Variants in PTPRZ1 observed in about 807,000 individuals in gnomAD.
The protein encoded by PTPRZ1 is receptor-type tyrosine-protein phosphatase zeta.
A neutral mutation model predicts 214.1 loss-of-function variants in PTPRZ1; 82 were observed. That is an observed-to-expected ratio of 0.38 (90% CI 0.32 to 0.46). The LOEUF is 0.46. PTPRZ1 is among the 20% of genes least tolerant of loss of function. PTPRZ1 has a pLI of 1.00. For synonymous variants in PTPRZ1, 945 were observed against 987.9 expected (o/e 0.96, Z 0.81); for missense variants, 2,603 against 2,748.7 (o/e 0.95, Z 1.19).
chr7:121,987,256 C>G (rs1199059805), intron 8 of PTPRZ1, among the ~76,000 whole-genome samples: 1 of 152,124 alleles, frequency 6.6e-6, no homozygotes, highest in Non-Finnish European at 1.5e-5. Flanking sequence ...CTCACAGAGT[C>G]TCAGCTGCTA....
At chr7:122,044,196 C>A (rs1799812437) in intron 22 of PTPRZ1, among the ~76,000 whole-genome samples, 1 of 152,114 alleles carries the variant, frequency 6.6e-6, no homozygotes, top group Non-Finnish European at 1.5e-5. Context: ...GTATTGCCAA[C>A]AATACATAAT....
intron 3 of PTPRZ1, among the ~76,000 whole-genome samples, chr7:121,969,209 G>A (rs1423803432): frequency 6.6e-6 from 1 of 152,064 alleles, no homozygotes; most frequent in African/African-American, 2.4e-5. Context: ...CTGCACTCCA[G>A]CCTGGACAAC....
At chr7:121,958,358 A>G (rs1796774757) in intron 2 of PTPRZ1, among the ~76,000 whole-genome samples, 1 of 152,108 alleles carries the variant, frequency 6.6e-6, no homozygotes. Context: ...TGTTTCTATG[A>G]CTTTCATGAT....
At chr7:121,905,650 T>TACACACACAC (rs10528167) in intron 1 of PTPRZ1, among the ~76,000 whole-genome samples, 3,602 of 145,338 alleles carry the variant, frequency 0.025, 159 homozygotes, top group African/African-American at 0.086. Context: ...TTCTATTCTT[T>TACACACACAC]ACACACACAC....
At chr7:121,885,819 G>A (rs566874891) in intron 1 of PTPRZ1, among the ~76,000 whole-genome samples, 3 of 152,120 alleles carry the variant, frequency 2.0e-5, no homozygotes, top group Non-Finnish European at 4.4e-5. Flanking sequence ...AATTTGGAGA[G>A]GGAAGAAAAC....
chr7:121,928,248 T>A, intron 2 of PTPRZ1, 27 bp downstream of exon 2: 2 of 1,516,494 alleles, frequency 1.3e-6, no homozygotes, highest in Non-Finnish European at 1.8e-6. Context: ...TATAATGAGA[T>A]TTAGCAGAAA....
At chr7:122,005,610 G>C (rs1798462169) in intron 11 of PTPRZ1, among the ~76,000 whole-genome samples, 1 of 151,800 alleles carries the variant, frequency 6.6e-6, no homozygotes, top group Non-Finnish European at 1.5e-5. Context: ...ATTTGTATAT[G>C]TACATACATG....
intron 1 of PTPRZ1, among the ~76,000 whole-genome samples, chr7:121,882,531 G>A (rs1311481612): frequency 6.6e-6 from 1 of 152,130 alleles, no homozygotes; most frequent in Admixed American, 6.6e-5. Context: ...GGGGAGAGGA[G>A]TATAACAGTA....
intron 1 of PTPRZ1, among the ~76,000 whole-genome samples, chr7:121,906,950 T>C (rs979126290): frequency 6.8e-6 from 1 of 146,086 alleles, no homozygotes; most frequent in Non-Finnish European, 1.5e-5. Context: ...GGTATACTTA[T>C]ATATTATGTT....
At chr7:121,904,665 C>T (rs1025414037) in intron 1 of PTPRZ1, among the ~76,000 whole-genome samples, 5 of 152,088 alleles carry the variant, frequency 3.3e-5, no homozygotes, top group Non-Finnish European at 5.9e-5. Context: ...AGAAGAGACT[C>T]AGATGGTCTT....
chr7:121,972,600 A>G lies in PTPRZ1; in HGVS notation c.364A>G (p.Lys122Glu). ...CGGAGGAGTTTCAGAAATGGTGTTT[A>G]AAGCAAGCAAGATAACTTTTCACTG... ...VSGGVSEMVF[K>E]ASKITFHWGK... Residue 122 changes from lysine to glutamate, a missense_variant, in exon 4 of 30, where the codon AAA (lysine) becomes GAA (glutamate). By Grantham distance (56) the Lys-to-Glu change is moderately conservative. This residue lies in a region of PTPRZ1 where 141 missense variants were observed against 143.7 expected (regional missense o/e 0.98). Coordinates refer to ENST00000393386, the MANE Select transcript of PTPRZ1 (RefSeq NM_002851.3). The G allele has an allele frequency of 5.6e-6, 9 of 1,613,646 alleles. No individual in the cohort carries two copies. Among genetic ancestry groups the G allele is most frequent in the Non-Finnish European group, 6.8e-6 (8 of 1,179,704 alleles).
Position 122,038,008 on chromosome 7 carries a change from C to T in PTPRZ1, c.5368-747C>T, listed in dbSNP as rs1002144390. Reference sequence around the variant, plus strand: ...GGAAACTTACAGTCATGGTGAAAGGCACCTCTTCACAGAATGGCAGGAGAG... The same window carrying T: ...GGAAACTTACAGTCATGGTGAAAGGTACCTCTTCACAGAATGGCAGGAGAG... On this transcript the variant is annotated intron_variant, in intron 18 of 29. Transcript: ENST00000393386. 3.3e-5 allele frequency among the ~76,000 whole-genome samples: 5 copies of T among 152,136 alleles called. No individual in the cohort carries two copies. In the East Asian group the frequency reaches 9.6e-4, roughly 29 times the overall value.
At chr7:121,874,733 T>C (rs1395613145) in intron 1 of PTPRZ1, among the ~76,000 whole-genome samples, 1 of 152,172 alleles carries the variant, frequency 6.6e-6, no homozygotes, top group East Asian at 1.9e-4. Context: ...TTTCAAAGGC[T>C]TTATGAAAGT....
Position 121,874,162 on chromosome 7 carries a change from CA to C in PTPRZ1, c.58+615del, listed in dbSNP as rs11378724. ...ATATTCAAGTCTGCGCAATTACTTACAAAAAAAAAAGTTCCATCTAAATCTC... is the reference window on the plus strand; with the variant it reads ...ATATTCAAGTCTGCGCAATTACTTACAAAAAAAAAGTTCCATCTAAATCTC... On this transcript the variant is annotated intron_variant, in intron 1 of 29. Coordinates refer to ENST00000393386, the MANE Select transcript of PTPRZ1 (RefSeq NM_002851.3). 9.9e-3 allele frequency among the ~76,000 whole-genome samples: 1,484 copies of C among 149,170 alleles called. 23 individuals carry two copies. Among genetic ancestry groups the C allele is most frequent in the African/African-American group, 0.032 (1,315 of 40,810 alleles).
chr7:122,004,727 G>T (rs997131505), intron 11 of PTPRZ1, 67 bp downstream of exon 11: 3 of 949,356 alleles, frequency 3.2e-6, no homozygotes, highest in Admixed American at 2.5e-5. Context: ...TGTTGCTTGG[G>T]TGTTAGGTAT....
chr7:121,981,408 T>TA (rs1449990385), intron 6 of PTPRZ1, among the ~76,000 whole-genome samples: 1 of 152,212 alleles, frequency 6.6e-6, no homozygotes, highest in Non-Finnish European at 1.5e-5. Context: ...TCACTTAGAC[T>TA]ACACGGATTG....
intron 8 of PTPRZ1, among the ~76,000 whole-genome samples, chr7:121,988,173 G>A (rs1163031668): frequency 1.3e-5 from 2 of 152,072 alleles, no homozygotes; most frequent in East Asian, 3.9e-4. Flanking sequence ...AAAAGTTGAA[G>A]TAAAAATAAA....
At chr7:121,938,994 G>A (rs980446353) in intron 2 of PTPRZ1, among the ~76,000 whole-genome samples, 4 of 152,030 alleles carry the variant, frequency 2.6e-5, no homozygotes, top group Non-Finnish European at 5.9e-5. Flanking sequence ...CTTCTACCAG[G>A]GCAAAACTTT....
chr7:122,052,563 A>G (rs1792219700), intron 25 of PTPRZ1, among the ~76,000 whole-genome samples: 1 of 152,206 alleles, frequency 6.6e-6, no homozygotes, highest in Non-Finnish European at 1.5e-5. Context: ...ATTAAGGAAT[A>G]TCTATGCAGG....
Sources: allele counts gnomAD v4.1 joint callset (sites outside exome capture counted in the v4.1 genomes callset), GRCh38; gene constraint gnomAD v4.1.1; regional missense constraint gnomAD v4.1.1; transcripts MANE v1.5; gene names NCBI Gene and HGNC (gene_info 2026-07-23, HGNC 2026-07-21).